Variants in CRYL1 observed in about 807,000 individuals in gnomAD.
The protein encoded by CRYL1 is lambda-crystallin homolog.
Under a neutral mutation model 36.6 loss-of-function variants are expected in CRYL1, and 29 were observed. That is an observed-to-expected ratio of 0.79 (90% CI 0.59 to 1.08). The LOEUF is 1.08. CRYL1 is among the 50% of genes least tolerant of loss of function. The pLI, the probability that CRYL1 is intolerant of heterozygous loss-of-function variation, is 0.00. For synonymous variants in CRYL1, 152 were observed against 151.5 expected, an observed-to-expected ratio of 1.00 and a Z score of -0.02; for missense variants, 411 against 407.9, an observed-to-expected ratio of 1.01 and a Z score of -0.06.
At chr13:20,428,015 A>G (rs1028646139) in intron 5 of CRYL1, among the ~76,000 whole-genome samples, 5 of 152,228 alleles carry the variant, frequency 3.3e-5, no homozygotes, top group African/African-American at 1.2e-4. Context: ...AAGAAATTAA[A>G]TTCATCGTTA....
At chr13:20,450,410 C>T (rs2032544994) in intron 3 of CRYL1, among the ~76,000 whole-genome samples, 1 of 152,142 alleles carries the variant, frequency 6.6e-6, no homozygotes, top group African/African-American at 2.4e-5. Flanking sequence ...GAACTAAACA[C>T]CTACCTTTCA....
intron 2 of CRYL1, among the ~76,000 whole-genome samples, chr13:20,490,392 G>A (rs950575555): frequency 2.0e-5 from 3 of 151,970 alleles, no homozygotes; most frequent in African/African-American, 7.3e-5. Context: ...ACTCTGTCTT[G>A]AAAAAATAAT....
chr13:20,504,789 A>C (rs368511192), intron 2 of CRYL1, among the ~76,000 whole-genome samples: 8 of 152,342 alleles, frequency 5.3e-5, no homozygotes, highest in African/African-American at 1.9e-4. Context: ...GAAAAAGATT[A>C]GTCTCAGATG....
chr13:20,414,067 CAGGAGGCTG>C (rs1444226412), intron 5 of CRYL1, among the ~76,000 whole-genome samples: 1 of 152,006 alleles, frequency 6.6e-6, no homozygotes, highest in African/African-American at 2.4e-5. Flanking sequence ...CCCAGCTACT[CAGGAGGCTG>C]AGGCACGAGA....
At chr13:20,522,687 A>T (rs113468533) in intron 1 of CRYL1, among the ~76,000 whole-genome samples, 5 of 151,752 alleles carry the variant, frequency 3.3e-5, no homozygotes, top group Middle Eastern at 3.4e-3. Flanking sequence ...GTGCCCCCTA[A>T]AAAGCAGGAC....
intron 2 of CRYL1, among the ~76,000 whole-genome samples, chr13:20,503,097 A>G (rs903258415): frequency 6.6e-6 from 1 of 152,194 alleles, no homozygotes; most frequent in African/African-American, 2.4e-5. Context: ...CTTCTCCCCA[A>G]TACTATGGAT....
At chr13:20,502,938 C>T (rs1363629843) in intron 2 of CRYL1, among the ~76,000 whole-genome samples, 2 of 152,182 alleles carry the variant, frequency 1.3e-5, no homozygotes, top group East Asian at 3.9e-4. Flanking sequence ...ATAGCCCAAC[C>T]ATGACTGCTA....
chr13:20,439,535 A>AAAAAAAAAAAAAAAAAAAAAAAG, intron 4 of CRYL1, 58 bp downstream of exon 4: 1 of 1,351,608 alleles, frequency 7.4e-7, no homozygotes, highest in Non-Finnish European at 9.9e-7. Context: ...AAAAAAGAAA[A>AAAAAAAAAAAAAAAAAAAAAAAG]AAAAAAAACA....
rs183931230 is a variant in CRYL1, at chr13:20,419,606, A to C, written c.634-6219T>G. Reference sequence around the variant, plus strand: ...CACATCTGGATAATTTTGTATTTTTAGTAGCGATGGGGTTTCTCCATGTTG... The same window carrying C: ...CACATCTGGATAATTTTGTATTTTTCGTAGCGATGGGGTTTCTCCATGTTG... On this transcript the variant is annotated intron_variant, in intron 5 of 7. Transcript: ENST00000298248. Among the ~76,000 whole-genome samples, 389 of 152,228 alleles carry C rather than the reference A, an allele frequency of 2.6e-3. 1 individual carries two copies. Among genetic ancestry groups the C allele is most frequent in the African/African-American group, 8.8e-3 (366 of 41,540 alleles).
Position 20,470,910 on chromosome 13 carries a change from C to CAAAAAAAAAAAAAA in CRYL1, c.276+18446_276+18459dup, listed in dbSNP as rs11353451. Among the ~76,000 whole-genome samples the CAAAAAAAAAAAAAA allele has an allele frequency of 7.8e-4, 32 of 40,868 alleles. 1 individual carries two copies. The highest frequency in any genetic ancestry group is 2.6e-3 in the African/African-American group (30 of 11,470). The allele number at this position is 40,868 out of a possible 152,430, so 26.8% of individuals were successfully genotyped here. On this transcript the variant is annotated intron_variant, in intron 3 of 7. Transcript: ENST00000298248. ...GGGCAAAAAGAGCAAAACTCCATCT[C>CAAAAAAAAAAAAAA]AAAAAAAAAAAAAAAACAAAAAAAA...
intron 3 of CRYL1, among the ~76,000 whole-genome samples, chr13:20,444,789 T>C (rs1169741257): frequency 1.3e-5 from 2 of 152,234 alleles, no homozygotes; most frequent in African/African-American, 2.4e-5. Context: ...CGATCTCGGC[T>C]CACTGCAACC....
intron 6 of CRYL1, among the ~76,000 whole-genome samples, chr13:20,409,393 AC>A (rs143770728): frequency 0.013 from 1,967 of 152,354 alleles, 42 homozygotes; most frequent in African/African-American, 0.044. Flanking sequence ...TTTAACATAA[AC>A]CATTAAAGAC....
At chr13:20,502,488 T>C (rs9578294) in intron 2 of CRYL1, 57,240 of 151,900 alleles carry the variant, frequency 0.38, 11,222 homozygotes, top group East Asian at 0.49. Context: ...CCATCTCTAC[T>C]AAAAATGCAA....
At chr13:20,460,968 C>G (rs1372181876) in intron 3 of CRYL1, among the ~76,000 whole-genome samples, 10 of 152,180 alleles carry the variant, frequency 6.6e-5, no homozygotes, top group Middle Eastern at 3.4e-3. Flanking sequence ...CCCTTCCCAG[C>G]GGCGCCCTCC....
chr13:20,495,450 A>G lies in CRYL1; in HGVS notation c.150-5954T>C, dbSNP rs547895196. ...GGTATGGGTGATTTTAATTTTTTTTAATGTTTCTATCTTTGAAATGTACTC... is the reference window on the plus strand; with the variant it reads ...GGTATGGGTGATTTTAATTTTTTTTGATGTTTCTATCTTTGAAATGTACTC... On this transcript the variant is annotated intron_variant, in intron 2 of 7. Coordinates refer to ENST00000298248, the MANE Select transcript of CRYL1 (RefSeq NM_015974.3). Among the ~76,000 whole-genome samples the G allele has an allele frequency of 2.0e-5, 3 of 152,198 alleles. No homozygotes were observed. In the East Asian group the frequency reaches 5.8e-4, roughly 29 times the overall value.
At chr13:20,522,911 C>CTTTTTTTTTTTTTTTT (rs386378385) in intron 1 of CRYL1, among the ~76,000 whole-genome samples, 12 of 82,956 alleles carry the variant, frequency 1.4e-4, no homozygotes, top group African/African-American at 5.4e-4. Flanking sequence ...CCCATTTCTA[C>CTTTTTTTTTTTTTTTT]TTTTTTTTTT....
rs533219715 is a variant in CRYL1, at chr13:20,478,475, G to GGTTT, written c.276+10891_276+10894dup. ...CTCTGTACAGTCTTTCTTTTATTTG[G>GGTTT]GTTTGTTTGTTTGTTTTTGAAACAG... On this transcript the variant is annotated intron_variant, in intron 3 of 7. Transcript: ENST00000298248. Among the ~76,000 whole-genome samples, 411 of 151,912 alleles carry GGTTT rather than the reference G, an allele frequency of 2.7e-3. 1 individual carries two copies. The highest frequency in any genetic ancestry group is 4.6e-3 in the South Asian group (22 of 4,810).
chr13:20,479,583 A>G (rs930938485), intron 3 of CRYL1, among the ~76,000 whole-genome samples: 6 of 152,192 alleles, frequency 3.9e-5, no homozygotes, highest in Non-Finnish European at 7.3e-5. Context: ...AAAGTGTTAA[A>G]TGTTGATTAA....
rs10624463 is a variant in CRYL1, at chr13:20,421,785, CATTTATTT to C, written c.634-8406_634-8399del. ...GAAGGTGTTATAGTAACAGCATTTT[CATTTATTT>C]ATTTATTTATTTATTTATTTTTAGA... On this transcript the variant is annotated intron_variant, in intron 5 of 7. Coordinates refer to ENST00000298248, the MANE Select transcript of CRYL1 (RefSeq NM_015974.3). Among the ~76,000 whole-genome samples, 12 of 149,596 alleles carry C rather than the reference CATTTATTT, an allele frequency of 8.0e-5. No individual in the cohort carries two copies. The South Asian group carries it at 8.5e-4, about 11-fold the overall frequency.
Sources: allele counts gnomAD v4.1 joint callset (sites outside exome capture counted in the v4.1 genomes callset), GRCh38; gene constraint gnomAD v4.1.1; transcripts MANE v1.5; gene names NCBI Gene and HGNC (gene_info 2026-07-23, HGNC 2026-07-21).